The following N4BP2 variants were observed in gnomAD, a reference collection of about 807,000 sequenced individuals.
N4BP2 encodes NEDD4-binding protein 2.
In N4BP2, 91 loss-of-function variants were observed where a neutral mutation model predicts 152.8. The ratio of observed to expected loss-of-function variants is 0.60; its 90% CI spans 0.50 to 0.71. The LOEUF is 0.71. Ranked by LOEUF, N4BP2 falls within the 30% of genes least tolerant of loss-of-function variation. N4BP2 has a pLI of 0.00. For synonymous variants in N4BP2, 646 were observed against 705.3 expected (o/e 0.92, Z 1.33); for missense variants, 1,923 against 2,059.1 (o/e 0.93, Z 1.28).
chr4:40,186,643 G>A, the N4BP2 span, among the ~76,000 whole-genome samples: 2 of 152,196 alleles, frequency 1.3e-5, no homozygotes, highest in African/African-American at 4.8e-5. Context: ...ATCCAAATTC[G>A]TTTTGTAACC....
chr4:40,093,057 C>T (rs974016524), intron 2 of N4BP2, among the ~76,000 whole-genome samples: 2 of 151,798 alleles, frequency 1.3e-5, no homozygotes, highest in Non-Finnish European at 1.5e-5. Flanking sequence ...GATTCTCCTG[C>T]CTCAGTCTCC....
chr4:40,091,263 T>TC, intron 2 of N4BP2, among the ~76,000 whole-genome samples: 1 of 152,190 alleles, frequency 6.6e-6, no homozygotes, highest in Non-Finnish European at 1.5e-5. Context: ...TTTCTTTTTT[T>TC]CTCTTATTTC....
At chr4:40,088,805 A>AAC (rs1714244848) in intron 2 of N4BP2, among the ~76,000 whole-genome samples, 1 of 152,008 alleles carries the variant, frequency 6.6e-6, no homozygotes, top group Non-Finnish European at 1.5e-5. Context: ...TGACCTCATT[A>AAC]GAGTTTTAAT....
At chr4:40,087,420 G>T (rs189362228) in intron 2 of N4BP2, among the ~76,000 whole-genome samples, 142 of 152,232 alleles carry the variant, frequency 9.3e-4, no homozygotes, top group African/African-American at 3.2e-3. Context: ...CTGGAGAGCA[G>T]TGGCTTGATC....
intron 1 of N4BP2, among the ~76,000 whole-genome samples, chr4:40,060,114 G>A (rs1011500479): frequency 5.9e-5 from 9 of 152,078 alleles, no homozygotes; most frequent in African/African-American, 1.9e-4. Context: ...GATTACAGGC[G>A]TGAGCCACTG....
At chr4:40,103,993 T>TAACA (rs563869561) in intron 4 of N4BP2, among the ~76,000 whole-genome samples, 232 of 152,220 alleles carry the variant, frequency 1.5e-3, no homozygotes, top group Non-Finnish European at 2.7e-3. Context: ...CTTGCTCTGT[T>TAACA]GCCCAGGCTG....
intron 1 of N4BP2, among the ~76,000 whole-genome samples, chr4:40,067,616 C>T (rs2109892385): frequency 6.6e-6 from 1 of 152,240 alleles, no homozygotes; most frequent in South Asian, 2.1e-4. Context: ...ATACCCTTTG[C>T]TTAGTAGCTG....
At chr4:40,176,422 T>C in the N4BP2 span, among the ~76,000 whole-genome samples, 1 of 152,220 alleles carries the variant, frequency 6.6e-6, no homozygotes, top group Non-Finnish European at 1.5e-5. Context: ...GATTCTTAGA[T>C]TAATTTTTGT....
the N4BP2 span, among the ~76,000 whole-genome samples, chr4:40,179,119 A>T: frequency 6.6e-6 from 1 of 152,184 alleles, no homozygotes; most frequent in African/African-American, 2.4e-5. Context: ...CTGTAATCCC[A>T]GCAGTTTGGG....
the N4BP2 span, among the ~76,000 whole-genome samples, chr4:40,186,584 C>T: frequency 6.6e-6 from 1 of 152,322 alleles, no homozygotes; most frequent in Non-Finnish European, 1.5e-5. Flanking sequence ...GACCCCTGAC[C>T]TAGAGGTTGC....
chr4:40,084,608 G>C (rs1713740638), intron 2 of N4BP2, among the ~76,000 whole-genome samples: 1 of 135,226 alleles, frequency 7.4e-6, no homozygotes, highest in Non-Finnish European at 1.6e-5. Context: ...GCCAAATTTT[G>C]TGTGTGTATA....
At chr4:40,061,172 T>C (rs1449074764) in intron 1 of N4BP2, among the ~76,000 whole-genome samples, 3 of 151,558 alleles carry the variant, frequency 2.0e-5, no homozygotes, top group African/African-American at 7.3e-5. Flanking sequence ...AGTGTCTTTA[T>C]TATTATTATT....
At chr4:40,066,682 G>C (rs988740114) in intron 1 of N4BP2, among the ~76,000 whole-genome samples, 1 of 152,036 alleles carries the variant, frequency 6.6e-6, no homozygotes, top group Admixed American at 6.6e-5. Flanking sequence ...AAATCACCTT[G>C]TCTCAGTTTT....
chr4:40,105,548 CTTT>C (rs34782994), intron 4 of N4BP2, among the ~76,000 whole-genome samples: 2 of 140,164 alleles, frequency 1.4e-5, no homozygotes. Flanking sequence ...TGGTCTCAAA[CTTT>C]TTTTTTTTTT....
chr4:40,172,961 A>C, the N4BP2 span, among the ~76,000 whole-genome samples: 1 of 152,248 alleles, frequency 6.6e-6, no homozygotes, highest in African/African-American at 2.4e-5. Flanking sequence ...AGCACCACCC[A>C]GTATTCCCTG....
At chr4:40,094,487 A>T (rs1315719636) in intron 2 of N4BP2, among the ~76,000 whole-genome samples, 1 of 152,080 alleles carries the variant, frequency 6.6e-6, no homozygotes, top group Admixed American at 6.6e-5. Flanking sequence ...TTTCAGTTTT[A>T]GCTTCACTTA....
the N4BP2 span, among the ~76,000 whole-genome samples, chr4:40,171,313 C>T: frequency 0.82 from 124,001 of 152,124 alleles, 50,808 homozygotes; most frequent in East Asian, 0.98. Flanking sequence ...GCCAATACCA[C>T]TGGCAGAAAG....
intron 14 of N4BP2, among the ~76,000 whole-genome samples, chr4:40,138,123 A>G (rs1207177720): frequency 6.6e-6 from 1 of 152,212 alleles, no homozygotes; most frequent in Non-Finnish European, 1.5e-5. Flanking sequence ...ACAGAAAATA[A>G]AAGACATGGT....
At chr4:40,179,657 CTG>C in the N4BP2 span, among the ~76,000 whole-genome samples, 5 of 151,838 alleles carry the variant, frequency 3.3e-5, no homozygotes, top group Admixed American at 2.0e-4. Flanking sequence ...GTGCCAGAGA[CTG>C]TGCTCTTAAC....
Sources: allele counts gnomAD v4.1 joint callset (sites outside exome capture counted in the v4.1 genomes callset), GRCh38; gene constraint gnomAD v4.1.1; transcripts MANE v1.5; gene names NCBI Gene and HGNC (gene_info 2026-07-23, HGNC 2026-07-21).